Variants in SLC2A11 observed in about 807,000 individuals in gnomAD.
The protein encoded by SLC2A11 is solute carrier family 2, facilitated glucose transporter member 11.
Under a neutral mutation model 52.1 loss-of-function variants are expected in SLC2A11, and 43 were observed. The ratio of observed to expected loss-of-function variants is 0.82; its 90% CI spans 0.65 to 1.06. SLC2A11 has a LOEUF of 1.06. SLC2A11 is among the 50% of genes least tolerant of loss of function. SLC2A11 has a pLI of 0.00. For missense variants in SLC2A11, 582 were observed against 654.2 expected (o/e 0.89, Z 1.20); for synonymous variants, 261 against 277.6 (o/e 0.94, Z 0.59).
In SLC2A11 at chr22:23,882,887, C is replaced by T. The variant is rs1005021197; in HGVS notation, c.993+18C>T. The stretch of plus-strand genomic sequence containing the variant: ...TTGTTAGTGTGAGTCTGGAGGGTGC[C>T]CTTCCTCCACCAGCCCTGTGGGGAG... On this transcript the variant is annotated intron_variant, in intron 8 of 11. Transcript: ENST00000316185. The T allele has an allele frequency of 1.3e-6, 2 of 1,594,074 alleles. No individual in the cohort carries two copies. The highest frequency in any genetic ancestry group is 1.3e-5 in the African/African-American group (1 of 74,374).
intron 3 of SLC2A11, 113 bp downstream of exon 3, chr22:23,868,754 C>G: frequency 1.5e-6 from 2 of 1,296,172 alleles, no homozygotes; most frequent in Non-Finnish European, 2.1e-6. Context: ...CCCAGATCAG[C>G]TCCTCATCCA....
chr22:23,862,468 C>T (rs1221854526), intron 2 of SLC2A11: 2 of 466,684 alleles, frequency 4.3e-6, no homozygotes, highest in East Asian at 3.5e-5. Flanking sequence ...TTCTCTTCAT[C>T]TCTTGGACAC....
rs181852686 is a variant in SLC2A11 at position 23,878,114 on chromosome 22, G to A, written c.694+245G>A. Among the ~76,000 whole-genome samples the A allele has an allele frequency of 2.8e-3, 425 of 152,312 alleles. 3 individuals are homozygous for A. Among genetic ancestry groups the A allele is most frequent in the African/African-American group, 9.7e-3 (402 of 41,560 alleles). ...TTACTCAAGAACTCCAGAGCGGTGC[G>A]GAGAAACACACGCGCACACACACGG... On this transcript the variant is annotated intron_variant, in intron 6 of 11. Transcript: ENST00000316185.
At chr22:23,876,695 T>TC (rs2032621438) in intron 4 of SLC2A11, among the ~76,000 whole-genome samples, 1 of 151,122 alleles carries the variant, frequency 6.6e-6, no homozygotes, top group Admixed American at 6.6e-5. Flanking sequence ...CCTACCTTCC[T>TC]CCTCCCACCC....
At chr22:23,857,297 G>C, upstream of SLC2A11, 1 of 917,196 alleles carries the variant, frequency 1.1e-6, no homozygotes, top group Non-Finnish European at 1.7e-6. Flanking sequence ...CGAGGGGCCA[G>C]AGCCGGAATT....
intron 3 of SLC2A11, chr22:23,869,760 C>A: frequency 1.9e-6 from 1 of 513,280 alleles, no homozygotes; most frequent in South Asian, 3.0e-5. Flanking sequence ...GTTCTGGAGG[C>A]TGTGAAGTCC....
chr22:23,885,178 C>G lies in SLC2A11; in HGVS notation c.*329C>G. On this transcript the variant is annotated 3_prime_UTR_variant, in exon 12 of 12. Transcript: ENST00000316185. ...ACCAGCCTAGGTAACATAGTGAGAC[C>G]CCCTATCTCTACAAAAAATTTTAAA... 1 of 450,582 alleles carries G rather than the reference C, an allele frequency of 2.2e-6. No individual in the cohort carries two copies. The highest frequency in any genetic ancestry group is 3.9e-6 in the Non-Finnish European group (1 of 258,710). The allele number at this position is 450,582 out of a possible 1,614,324, so 27.9% of individuals were successfully genotyped here. A position where few individuals can be genotyped will look rare whatever the true frequency, so the allele number is the denominator to read the frequency against.
chr22:23,883,251 A>T, intron 8 of SLC2A11: 1 of 360,340 alleles, frequency 2.8e-6, no homozygotes, highest in South Asian at 2.2e-5. Context: ...AATAGTGCTG[A>T]GGTGGGATCA....
Position 23,857,985 on chromosome 22 carries a change from A to T in SLC2A11, c.-15A>T. On this transcript the variant is annotated 5_prime_UTR_variant, in exon 1 of 12. Transcript: ENST00000316185. Reference sequence around the variant, plus strand: ...CCCTGGGACAGCAAGACCTCCGCTCAGGCCCCTCTTTCGAATGCTCCACGC... The same window carrying T: ...CCCTGGGACAGCAAGACCTCCGCTCTGGCCCCTCTTTCGAATGCTCCACGC... The T allele has an allele frequency of 1.3e-6, 2 of 1,591,968 alleles. No homozygotes were observed. Among genetic ancestry groups the T allele is most frequent in the Admixed American group, 1.7e-5 (1 of 58,064 alleles).
intron 3 of SLC2A11, chr22:23,869,815 C>G: frequency 1.7e-6 from 1 of 580,862 alleles, no homozygotes; most frequent in Non-Finnish European, 3.1e-6. Context: ...GAGGGCTACT[C>G]TTTCTGCTTC....
Position 23,872,049 on chromosome 22 carries a change from T to A in SLC2A11, c.291-3068T>A, listed in dbSNP as rs566683218. Reference sequence around the variant, plus strand: ...CAGGAGCTCTTTCTCCTTAAGAGGTTAGCAGGCTGGGCATGGTGGCTCATG... The same window carrying A: ...CAGGAGCTCTTTCTCCTTAAGAGGTAAGCAGGCTGGGCATGGTGGCTCATG... On this transcript the variant is annotated intron_variant, in intron 3 of 11. Transcript: ENST00000316185. 7 of 152,314 alleles carry A rather than the reference T, an allele frequency of 4.6e-5. No individual in the cohort carries two copies. In the South Asian group the frequency reaches 1.5e-3, roughly 32 times the overall value. 9.4% of individuals were successfully genotyped at this position (152,314 alleles called of 1,614,324 possible).
intron 1 of SLC2A11, among the ~76,000 whole-genome samples, chr22:23,860,024 G>A (rs1165658225): frequency 6.6e-6 from 1 of 152,204 alleles, no homozygotes; most frequent in Non-Finnish European, 1.5e-5. Flanking sequence ...GAAAATACCT[G>A]AGGGAAGGAG....
chr22:23,874,436 G>T lies in SLC2A11; in HGVS notation c.291-681G>T, dbSNP rs1369419805. On this transcript the variant is annotated intron_variant, in intron 3 of 11. Transcript: ENST00000316185. Reference sequence around the variant, plus strand: ...TGAGTAGCTGAAATTACAGGCGTGCGCCATCATGCATGGCTAATTTTTTTT... The same window carrying T: ...TGAGTAGCTGAAATTACAGGCGTGCTCCATCATGCATGGCTAATTTTTTTT... 2.0e-5 allele frequency among the ~76,000 whole-genome samples: 3 copies of T among 150,084 alleles called. No individual in the cohort carries two copies. In the East Asian group the frequency reaches 5.9e-4, roughly 29 times the overall value.
chr22:23,873,263 C>G (rs930033539), intron 3 of SLC2A11: 1 of 151,888 alleles, frequency 6.6e-6, no homozygotes, highest in African/African-American at 2.4e-5. Context: ...CTCAGGTGAT[C>G]CACCCGCCTC....
intron 2 of SLC2A11, chr22:23,867,948 C>G (rs924015472): frequency 3.0e-6 from 1 of 334,344 alleles, no homozygotes; most frequent in Non-Finnish European, 6.1e-6. Context: ...TGCAAATTAT[C>G]AAACCCACAG....
chr22:23,882,795 G>A lies in SLC2A11; in HGVS notation c.919G>A (p.Gly307Arg). 6.2e-7 allele frequency: 1 copy of A among 1,613,832 alleles called. No individual in the cohort carries two copies. Among genetic ancestry groups the A allele is most frequent in the Non-Finnish European group, 8.5e-7 (1 of 1,179,890 alleles). ...CGCCTCCTCCGTGTTCCGGAAGGCA[G>A]GAGTGCCGGAAGCGAAGATCCAGTA... ...AYASSVFRKAGVPEAKIQYAI... is the reference protein window; with the variant it reads ...AYASSVFRKARVPEAKIQYAI... The change falls in exon 8 of 12, where the codon GGA (glycine) becomes AGA (arginine). Residue 307 changes from glycine (G) to arginine (R), a missense_variant. Transcript: ENST00000316185.
chr22:23,873,335 G>A (rs554144056), intron 3 of SLC2A11: 9 of 151,688 alleles, frequency 5.9e-5, no homozygotes, highest in African/African-American at 2.2e-4. Flanking sequence ...GTGTGCACGC[G>A]TGTGTGTAGC....
chr22:23,877,270 A>AT, intron 5 of SLC2A11, 99 bp downstream of exon 5: 11 of 1,564,688 alleles, frequency 7.0e-6, no homozygotes, highest in Non-Finnish European at 9.6e-6. Flanking sequence ...AGATTAAAGC[A>AT]TTATTGCTTT....
rs1399711389 is a variant in SLC2A11 at position 23,882,850 on chromosome 22, T to A, written c.974T>A (p.Leu325Gln). The part of the protein sequence containing the change: ...YAIIGTGSCE[L>Q]LTAVVSCVVI... ...ATCATCGGGACTGGGAGCTGCGAGCTGCTCACGGCGGTTGTTAGTGTGAGT... is the reference window on the plus strand; with the variant it reads ...ATCATCGGGACTGGGAGCTGCGAGCAGCTCACGGCGGTTGTTAGTGTGAGT... The change falls in exon 8 of 12, where the codon CTG (leucine) becomes CAG (glutamine). Residue 325 changes from leucine (L) to glutamine (Q), a missense_variant. Physicochemically the swap from Leu to Gln is moderately radical, Grantham distance 113. Coordinates refer to ENST00000316185, the MANE Select transcript of SLC2A11 (RefSeq NM_001024939.4). The A allele has an allele frequency of 1.2e-6, 2 of 1,612,774 alleles. No individual in the cohort carries two copies. Among genetic ancestry groups the A allele is most frequent in the Non-Finnish European group, 1.7e-6 (2 of 1,179,424 alleles).
Sources: allele counts gnomAD v4.1 joint callset (sites outside exome capture counted in the v4.1 genomes callset), GRCh38; gene constraint gnomAD v4.1.1; transcripts MANE v1.5; gene names NCBI Gene and HGNC (gene_info 2026-07-23, HGNC 2026-07-21).